Variants in NPC1L1 observed in about 807,000 individuals in gnomAD.
NPC1L1 encodes the protein NPC1-like intracellular cholesterol transporter 1.
Under a neutral mutation model 117.0 loss-of-function variants are expected in NPC1L1, and 98 were observed. The observed-to-expected ratio is 0.84, with a 90% confidence interval of 0.71 to 0.99. NPC1L1 has a LOEUF of 0.99. Ranked by LOEUF, NPC1L1 falls within the 50% of genes least tolerant of loss-of-function variation. The pLI, the probability that NPC1L1 is intolerant of heterozygous loss-of-function variation, is 0.00. For synonymous variants in NPC1L1, 729 were observed against 727.6 expected (o/e 1.00, Z -0.03); for missense variants, 1,540 against 1,710.0 (o/e 0.90, Z 1.75).
At chr7:44,537,837 C>T (rs753226218) in intron 2 of NPC1L1, among the ~76,000 whole-genome samples, 1 of 152,226 alleles carries the variant, frequency 6.6e-6, no homozygotes, top group Admixed American at 6.5e-5. Flanking sequence ...CCAGAGCAAA[C>T]AATGGCTCCT....
chr7:44,523,450 T>G (rs1801419738), intron 10 of NPC1L1, among the ~76,000 whole-genome samples: 1 of 151,816 alleles, frequency 6.6e-6, no homozygotes, highest in African/African-American at 2.4e-5. Context: ...TCAGGCAATC[T>G]CAGCTTTAGT....
In NPC1L1 at chr7:44,533,737, A is replaced by T; in HGVS notation, c.2281+2T>A. The T allele has an allele frequency of 1.2e-6, 2 of 1,613,310 alleles. No homozygotes were observed. The highest frequency in any genetic ancestry group is 1.7e-6 in the Non-Finnish European group (2 of 1,179,336). On this transcript the variant is annotated splice_donor_variant, in intron 7 of 18. Coordinates refer to ENST00000381160, the MANE Select transcript of NPC1L1 (RefSeq NM_001101648.2). LOFTEE classifies it high-confidence loss of function. ...GAGTGGGGAGGTCTCACCCAGGCTC[A>T]CCTAGGAAGAAGCAGATGGCCTCAG...
rs1009994124 is a variant in NPC1L1 at position 44,520,738 on chromosome 7, C to T, written c.3136+27G>A. On this transcript the variant is annotated intron_variant, in intron 14 of 18. Coordinates refer to ENST00000381160, the MANE Select transcript of NPC1L1 (RefSeq NM_001101648.2). Reference sequence around the variant, plus strand: ...CCCTCCAGAGCAACCGATTTATGTCCTCCCCTCCAGGCAAGGCCATGCTTA... The same window carrying T: ...CCCTCCAGAGCAACCGATTTATGTCTTCCCCTCCAGGCAAGGCCATGCTTA... The T allele has an allele frequency of 9.9e-6, 16 of 1,609,750 alleles. No homozygotes were observed. The Admixed American group carries it at 1.3e-4, about 13-fold the overall frequency.
intron 12 of NPC1L1, 34 bp from the exon 13 acceptor site, chr7:44,521,152 C>T: frequency 3.7e-6 from 6 of 1,613,528 alleles, no homozygotes; most frequent in Non-Finnish European, 5.1e-6. Flanking sequence ...GCAGTGACAC[C>T]CCAGGGCCAG....
At chr7:44,535,777 G>A in intron 5 of NPC1L1, 63 bp downstream of exon 5, 3 of 1,608,384 alleles carry the variant, frequency 1.9e-6, no homozygotes, top group Non-Finnish European at 2.5e-6. Flanking sequence ...GTTGTAGAAG[G>A]CCTACTGAAG....
intron 14 of NPC1L1, chr7:44,518,476 GGTT>G: frequency 4.3e-6 from 1 of 231,286 alleles, no homozygotes; most frequent in Non-Finnish European, 9.1e-6. Flanking sequence ...GGCCCAAAAA[GGTT>G]GTTTCTTGGC....
Position 44,515,826 on chromosome 7 carries a change from A to C in NPC1L1, c.3773T>G (p.Leu1258Arg). The C allele has an allele frequency of 6.2e-7, 1 of 1,614,216 alleles. No homozygotes were observed. Among genetic ancestry groups the C allele is most frequent in the Non-Finnish European group, 8.5e-7 (1 of 1,180,032 alleles). Residue 1258 changes from leucine (L) to arginine (R), a missense_variant, in exon 18 of 19, where the codon CTG (leucine) becomes CGG (arginine). This residue lies in a region of NPC1L1 where 742 missense variants were observed against 873.6 expected (regional missense o/e 0.85). Transcript: ENST00000381160. ...LLGLLHGLVFLPVILSYVGPD... is the reference protein window; with the variant it reads ...LLGLLHGLVFRPVILSYVGPD... The stretch of plus-strand genomic sequence containing the variant: ...ACCCACGTAGCTGAGGATGACGGGC[A>C]GGAAGACCAAGCCATGCAGCAGGCC...
At position 44,531,852 on chromosome 7, in the gene NPC1L1, G is replaced by A; in HGVS notation, c.2548-8C>T. 6.4e-7 allele frequency: 1 copy of A among 1,571,786 alleles called. No individual in the cohort carries two copies. The highest frequency in any genetic ancestry group is 8.6e-7 in the Non-Finnish European group (1 of 1,158,074). ...GGCGAGAAACAGCAGCAGCTGAGAA[G>A]GGACCTGCTGCATGAGACCACCCTG... On this transcript the variant is annotated splice_region_variant and splice_polypyrimidine_tract_variant and intron_variant, in intron 9 of 18. Transcript: ENST00000381160.
chr7:44,521,425 C>T (rs1433832816), intron 12 of NPC1L1, among the ~76,000 whole-genome samples: 2 of 152,232 alleles, frequency 1.3e-5, no homozygotes, highest in African/African-American at 2.4e-5. Context: ...GCAGCTCTCC[C>T]CTCCTGACTC....
Position 44,536,724 on chromosome 7 carries a change from G to A in NPC1L1, c.1681+118C>T, listed in dbSNP as rs1417966096. On this transcript the variant is annotated intron_variant, in intron 3 of 18. Transcript: ENST00000381160. The surrounding 1 kb of genome is among the most constrained non-coding windows in gnomAD (Gnocchi z 4.7). ...GGACAGGGTTGGCCTACAGCTTCCA[G>A]AAGCCAGGCTACCCCCAGGCCGCGA... 2 of 913,276 alleles carry A rather than the reference G, an allele frequency of 2.2e-6. No homozygotes were observed. Among genetic ancestry groups the A allele is most frequent in the Admixed American group, 2.0e-5 (1 of 50,790 alleles). 56.6% of individuals were successfully genotyped at this position (913,276 alleles called of 1,614,324 possible).
chr7:44,530,080 G>C (rs1212724940), intron 10 of NPC1L1, among the ~76,000 whole-genome samples: 1 of 151,082 alleles, frequency 6.6e-6, no homozygotes, highest in Non-Finnish European at 1.5e-5. Flanking sequence ...GCTCACACCT[G>C]TAATCCCAGC....
chr7:44,526,546 C>CAAAAAAAAAAA (rs372498105), intron 10 of NPC1L1, among the ~76,000 whole-genome samples: 1 of 68,354 alleles, frequency 1.5e-5, no homozygotes, highest in African/African-American at 7.0e-5. Flanking sequence ...GACTCCATCT[C>CAAAAAAAAAAA]AAAAAAAAAA....
intron 10 of NPC1L1, among the ~76,000 whole-genome samples, chr7:44,530,206 C>T (rs970607844): frequency 3.9e-5 from 6 of 151,994 alleles, no homozygotes; most frequent in South Asian, 2.1e-4. Context: ...GGCGTGGTGG[C>T]GGCCACCTGT....
At position 44,536,703 on chromosome 7, in the gene NPC1L1, A is replaced by G; in HGVS notation, c.1681+139T>C. 1 of 785,100 alleles carries G rather than the reference A, an allele frequency of 1.3e-6. No individual in the cohort carries two copies. Among genetic ancestry groups the G allele is most frequent in the Non-Finnish European group, 2.2e-6 (1 of 453,168 alleles). The allele number at this position is 785,100 out of a possible 1,614,324, so 48.6% of individuals were successfully genotyped here. A position where few individuals can be genotyped will look rare whatever the true frequency, so the allele number is the denominator to read the frequency against. On this transcript the variant is annotated intron_variant, in intron 3 of 18. Transcript: ENST00000381160. This position sits in a 1 kb window ranked among gnomAD's most constrained non-coding sequence, Gnocchi z 4.7. ...AGATGGCAGAGAGAGGAAACAGGAC[A>G]GGGTTGGCCTACAGCTTCCAGAAGC...
chr7:44,520,633 G>A, intron 14 of NPC1L1, 132 bp downstream of exon 14: 1 of 817,322 alleles, frequency 1.2e-6, no homozygotes, highest in Non-Finnish European at 2.1e-6. Flanking sequence ...GACCCCTGCT[G>A]ACAGGGCCAG....
At chr7:44,541,141 A>G in intron 1 of NPC1L1, 65 bp downstream of exon 1, 3 of 1,516,018 alleles carry the variant, frequency 2.0e-6, no homozygotes, top group Non-Finnish European at 1.8e-6. Context: ...CGCCTGGTAC[A>G]CGGCTGGCCC....
In NPC1L1 at chr7:44,521,693, C is replaced by T; in HGVS notation, c.2953+19G>A. The stretch of plus-strand genomic sequence containing the variant: ...CCCGAGCTGTGGTGGACAGTGAGTC[C>T]CCATGGCCCCACACTCACTGACGGT... On this transcript the variant is annotated intron_variant, in intron 12 of 18. Coordinates refer to ENST00000381160, the MANE Select transcript of NPC1L1 (RefSeq NM_001101648.2). The T allele has an allele frequency of 1.9e-6, 3 of 1,613,928 alleles. No individual in the cohort carries two copies. Among genetic ancestry groups the T allele is most frequent in the Non-Finnish European group, 2.5e-6 (3 of 1,179,940 alleles).
rs369801243 is a variant in NPC1L1 at position 44,527,978 on chromosome 7, C to G, written c.2637+3777G>C. On this transcript the variant is annotated intron_variant, in intron 10 of 18. Transcript: ENST00000381160. ...TAGCTAGGTTTACAGTTGTGTGCCA[C>G]CATGCCTGGCTAATTTTTGTATTTT... Among the ~76,000 whole-genome samples the G allele has an allele frequency of 1.4e-4, 21 of 152,230 alleles. No homozygotes were observed. In the South Asian group the frequency reaches 1.5e-3, roughly 11 times the overall value.
At chr7:44,517,925 G>A (rs1725685613) in intron 14 of NPC1L1, among the ~76,000 whole-genome samples, 1 of 151,942 alleles carries the variant, frequency 6.6e-6, no homozygotes, top group African/African-American at 2.4e-5. Flanking sequence ...AGACCAGCCT[G>A]CCCAACATGG....
Sources: gnomAD v4.1 joint callset for allele counts (sites outside exome capture counted in the v4.1 genomes callset) on GRCh38, gnomAD v4.1.1 for gene constraint, gnomAD v4.1.1 regional missense constraint, Gnocchi (gnomAD v3.1) non-coding constraint, MANE v1.5 for transcripts, NCBI Gene and HGNC (gene_info 2026-07-23, HGNC 2026-07-21) for gene names.